The following ZNF236 variants were observed in gnomAD, a reference collection of about 807,000 sequenced individuals.
The protein encoded by ZNF236 is zinc finger protein 236.
In ZNF236, 50 loss-of-function variants were observed where a neutral mutation model predicts 191.2. The observed-to-expected ratio is 0.26, with a 90% confidence interval of 0.21 to 0.33. The LOEUF (loss-of-function observed/expected upper bound fraction) is 0.33. Among genes scored for constraint, ZNF236 ranks in the 10% least tolerant of loss-of-function variants. The pLI is 1.00. For missense variants in ZNF236, 1,754 were observed against 2,374.5 expected (o/e 0.74, Z 5.43); for synonymous variants, 907 against 928.8 (o/e 0.98, Z 0.43).
At chr18:76,878,243 G>C (rs1020058955) in intron 7 of ZNF236, 91 bp downstream of exon 7, 4 of 1,297,350 alleles carry the variant, frequency 3.1e-6, no homozygotes, top group Admixed American at 2.8e-5. Flanking sequence ...GTAGCAAAAA[G>C]GTGCTATGAA....
intron 18 of ZNF236, among the ~76,000 whole-genome samples, chr18:76,915,048 G>A (rs757743933): frequency 8.5e-5 from 13 of 152,168 alleles, no homozygotes; most frequent in African/African-American, 2.7e-4. Flanking sequence ...GACATGCTAC[G>A]GAGGCAGAGA....
At chr18:76,864,304 A>G (rs1161551876) in intron 3 of ZNF236, among the ~76,000 whole-genome samples, 1 of 150,988 alleles carries the variant, frequency 6.6e-6, no homozygotes, top group African/African-American at 2.4e-5. Context: ...GATTCAAGCA[A>G]TTCTTCTGCC....
chr18:76,915,895 C>G, intron 19 of ZNF236, 36 bp downstream of exon 19: 1 of 1,577,388 alleles, frequency 6.3e-7, no homozygotes, highest in Non-Finnish European at 8.7e-7. Flanking sequence ...TGTATTAACC[C>G]GATGCTAATT....
At chr18:76,852,531 T>C (rs1179164361) in intron 3 of ZNF236, among the ~76,000 whole-genome samples, 2 of 152,100 alleles carry the variant, frequency 1.3e-5, no homozygotes, top group African/African-American at 2.4e-5. Context: ...TCAGGTGCAG[T>C]GGCTCATGCC....
chr18:76,927,354 G>C lies in ZNF236; in HGVS notation c.4251G>C (p.Leu1417=). The C allele has an allele frequency of 1.2e-6, 2 of 1,614,190 alleles. No individual in the cohort carries two copies. Among genetic ancestry groups the C allele is most frequent in the Non-Finnish European group, 1.7e-6 (2 of 1,180,038 alleles). ...AGCAGCTCACGGGGGAGCCTGGCCT[G>C]GCCCCACAGAACAGCTCTCTCCAGA... ...LAQQLTGEPG[L]APQNSSLQTS... Residue 1417 remains leucine (L), a synonymous_variant, in exon 24 of 31, where the codon CTG becomes CTC. Coordinates refer to ENST00000320610, the MANE Select transcript of ZNF236 (RefSeq NM_001306089.2). This position sits in a 1 kb window ranked among gnomAD's most constrained non-coding sequence, Gnocchi z 5.4.
rs1484630848 is a variant in ZNF236, at chr18:76,971,152, A to C, written c.*2813A>C. Among the ~76,000 whole-genome samples the C allele has an allele frequency of 6.6e-6, 1 of 152,248 alleles. No individual in the cohort carries two copies. Among genetic ancestry groups the C allele is most frequent in the Non-Finnish European group, 1.5e-5 (1 of 68,046 alleles). ...TGAAGGTGGGGTGCAGGTACTGAGG[A>C]AGCAGGAGGCATGTAGCATGTGTGG... On this transcript the variant is annotated 3_prime_UTR_variant, in exon 31 of 31. Coordinates refer to ENST00000320610, the MANE Select transcript of ZNF236 (RefSeq NM_001306089.2).
chr18:76,909,998 T>C (rs1967174816), intron 14 of ZNF236, 70 bp from the exon 15 acceptor site: 1 of 1,212,926 alleles, frequency 8.2e-7, no homozygotes, highest in African/African-American at 1.5e-5. Flanking sequence ...AAGTGTACTT[T>C]TGGACAGATT....
Position 76,960,317 on chromosome 18 carries a change from C to G in ZNF236, c.5243-362C>G, listed in dbSNP as rs1169261352. Among the ~76,000 whole-genome samples, 1 of 152,206 alleles carries G rather than the reference C, an allele frequency of 6.6e-6. No homozygotes were observed. The highest frequency in any genetic ancestry group is 1.9e-4 in the East Asian group (1 of 5,192). ...TTCCATCTTCTGCCTCTTGACTGTA[C>G]ATGATAGCTCGTGTCAGCCCTTCCG... On this transcript the variant is annotated intron_variant, in intron 29 of 30. Transcript: ENST00000320610. This position sits in a 1 kb window ranked among gnomAD's most constrained non-coding sequence, Gnocchi z 4.4.
chr18:76,946,533 A>T (rs1968267972), intron 26 of ZNF236, among the ~76,000 whole-genome samples: 1 of 152,254 alleles, frequency 6.6e-6, no homozygotes, highest in African/African-American at 2.4e-5. Flanking sequence ...AGGAGCCAAG[A>T]ACATCAGCCA....
At chr18:76,908,282 G>A (rs369627108) in intron 13 of ZNF236, 38 bp from the exon 14 acceptor site, 45 of 1,587,902 alleles carry the variant, frequency 2.8e-5, no homozygotes, top group Non-Finnish European at 3.9e-5. Context: ...ACCTTTGACA[G>A]CATCTAACCT....
At chr18:76,895,829 A>G (rs117921994) in intron 10 of ZNF236, among the ~76,000 whole-genome samples, 2,540 of 148,258 alleles carry the variant, frequency 0.017, 30 homozygotes, top group Middle Eastern at 0.023. Context: ...CTGCTCACAA[A>G]TACTGCCCTC....
chr18:76,831,488 G>A (rs1975166527), intron 1 of ZNF236, among the ~76,000 whole-genome samples: 1 of 152,138 alleles, frequency 6.6e-6, no homozygotes, highest in African/African-American at 2.4e-5. Context: ...GAGTAAAGTT[G>A]CTATAAATAT....
chr18:76,889,184 T>C (rs149854583), intron 9 of ZNF236, among the ~76,000 whole-genome samples: 37 of 152,340 alleles, frequency 2.4e-4, no homozygotes, highest in African/African-American at 8.7e-4. Context: ...CGTGTCCTTC[T>C]TGGCAAATAT....
chr18:76,845,685 C>G (rs548281264), intron 1 of ZNF236, among the ~76,000 whole-genome samples: 1 of 152,164 alleles, frequency 6.6e-6, no homozygotes, highest in South Asian at 2.1e-4. Context: ...CCTGTCTCTA[C>G]TAAAAATACA....
At chr18:76,824,255 A>C in intron 1 of ZNF236, 1 of 776,150 alleles carries the variant, frequency 1.3e-6, no homozygotes, top group Admixed American at 1.7e-5. Context: ...GCCACACCAA[A>C]CCAGGAATTC....
chr18:76,868,571 A>G (rs2122593236), intron 3 of ZNF236, 114 bp from the exon 4 acceptor site: 1 of 816,518 alleles, frequency 1.2e-6, no homozygotes, highest in Non-Finnish European at 1.8e-6. Flanking sequence ...AATCAAGATT[A>G]GAGAGACCAA....
intron 16 of ZNF236, 110 bp downstream of exon 16, chr18:76,910,921 A>G: frequency 8.2e-7 from 1 of 1,217,564 alleles, no homozygotes; most frequent in Non-Finnish European, 1.1e-6. Context: ...AGGCATGCTC[A>G]CTTCTTGTAG....
intron 1 of ZNF236, among the ~76,000 whole-genome samples, chr18:76,843,532 C>CAGGGAAGAAGGTAGAAGGGAGTTTTAAA (rs1555685711): frequency 1.3e-5 from 2 of 150,666 alleles, no homozygotes; most frequent in African/African-American, 2.4e-5. Context: ...AATCCCAGCA[C>CAGGGAAGAAGGTAGAAGGGAGTTTTAAA]TTTGGGAGGC....
intron 26 of ZNF236, among the ~76,000 whole-genome samples, chr18:76,945,673 A>G (rs781434689): frequency 1.3e-5 from 2 of 152,212 alleles, no homozygotes; most frequent in African/African-American, 2.4e-5. Flanking sequence ...AATCCCAGCT[A>G]CTTGGGAGGC....
Sources: allele counts gnomAD v4.1 joint callset (sites outside exome capture counted in the v4.1 genomes callset), GRCh38; gene constraint gnomAD v4.1.1; non-coding constraint Gnocchi (gnomAD v3.1); transcripts MANE v1.5; gene names NCBI Gene and HGNC (gene_info 2026-07-23, HGNC 2026-07-21).